TNIK: variants seen among roughly 807,000 people sequenced by gnomAD.
The protein encoded by TNIK is TRAF2 and NCK interacting kinase.
Under a neutral mutation model 191.3 loss-of-function variants are expected in TNIK, and 49 were observed. The observed-to-expected ratio is 0.26, with a 90% CI of 0.20 to 0.32. The LOEUF is 0.32. Ranked by LOEUF, TNIK falls within the 10% of genes least tolerant of loss-of-function variation. The pLI, the probability that TNIK is intolerant of heterozygous loss-of-function variation, is 1.00. For synonymous variants in TNIK, 594 were observed against 600.9 expected (o/e 0.99, Z 0.17); for missense variants, 1,155 against 1,702.3 (o/e 0.68, Z 5.66).
intron 2 of TNIK, among the ~76,000 whole-genome samples, chr3:171,343,280 T>TTTC (rs879586700): frequency 7.8e-4 from 119 of 152,272 alleles, no homozygotes; most frequent in Admixed American, 1.4e-3. Flanking sequence ...ATTTTGATAG[T>TTTC]ATGTTACTTC....
chr3:171,338,167 A>T (rs532947506), intron 2 of TNIK, among the ~76,000 whole-genome samples: 1 of 144,352 alleles, frequency 6.9e-6, no homozygotes, highest in South Asian at 2.3e-4. Context: ...ATTTCCAATC[A>T]ACCAACAATT....
intron 1 of TNIK, among the ~76,000 whole-genome samples, chr3:171,378,826 T>C (rs1187926291): frequency 6.6e-6 from 1 of 152,208 alleles, no homozygotes; most frequent in African/African-American, 2.4e-5. Flanking sequence ...TCCAGCAAGA[T>C]AGTTTAGGTG....
chr3:171,344,989 A>C (rs1374361335), intron 2 of TNIK, among the ~76,000 whole-genome samples: 1 of 152,002 alleles, frequency 6.6e-6, no homozygotes, highest in Admixed American at 6.6e-5. Context: ...ACTTACCCTA[A>C]ATTGATGTTC....
intron 2 of TNIK, among the ~76,000 whole-genome samples, chr3:171,231,313 TTTTG>T (rs771616925): frequency 2.1e-5 from 3 of 143,186 alleles, no homozygotes; most frequent in African/African-American, 9.1e-5. Context: ...GTTGTTGTTG[TTTTG>T]TTTTTTTTTT....
intron 21 of TNIK, among the ~76,000 whole-genome samples, chr3:171,102,664 A>T (rs1723777194): frequency 6.6e-6 from 1 of 152,160 alleles, no homozygotes; most frequent in Non-Finnish European, 1.5e-5. Flanking sequence ...TGGGAATCAG[A>T]GCATTCAGTG....
intron 2 of TNIK, among the ~76,000 whole-genome samples, chr3:171,294,713 C>T (rs1434725760): frequency 6.6e-6 from 1 of 151,978 alleles, no homozygotes; most frequent in African/African-American, 2.4e-5. Flanking sequence ...AAGAAGGAAA[C>T]TCCATCTCAA....
At chr3:171,284,657 C>G (rs1205954968) in intron 2 of TNIK, among the ~76,000 whole-genome samples, 2 of 152,048 alleles carry the variant, frequency 1.3e-5, no homozygotes, top group Non-Finnish European at 2.9e-5. Context: ...TTGCAAATAG[C>G]CAGTCCCAAA....
At chr3:171,373,854 C>T (rs1017042795) in intron 1 of TNIK, among the ~76,000 whole-genome samples, 2 of 152,174 alleles carry the variant, frequency 1.3e-5, no homozygotes, top group East Asian at 3.9e-4. Context: ...TTTCTGAAGC[C>T]CTTCTTAAAT....
intron 2 of TNIK, among the ~76,000 whole-genome samples, chr3:171,236,682 T>G (rs765438820): frequency 6.6e-6 from 1 of 152,176 alleles, no homozygotes; most frequent in Non-Finnish European, 1.5e-5. Context: ...AGATTTCAAA[T>G]CAATAGCTCC....
At chr3:171,440,758 T>G (rs1373241782) in intron 1 of TNIK, among the ~76,000 whole-genome samples, 3 of 152,088 alleles carry the variant, frequency 2.0e-5, no homozygotes, top group African/African-American at 2.4e-5. Flanking sequence ...TGTTAACAAA[T>G]GAACAAATGG....
chr3:171,347,075 C>A lies in TNIK; in HGVS notation c.123+22545G>T, dbSNP rs557171944. The A allele has an allele frequency of 2.1e-5, 31 of 1,466,086 alleles. 1 individual carries two copies. In the African/African-American group the frequency reaches 2.7e-4, roughly 13 times the overall value. 90.8% of individuals were successfully genotyped at this position (1,466,086 alleles called of 1,614,324 possible). A position where few individuals can be genotyped will look rare whatever the true frequency, so the allele number is the denominator to read the frequency against. ...TGTGCTAGGACAGTGGTGGCAGAGA[C>A]AGAAAACAGAAGAGAGAAATCAGGA... On this transcript the variant is annotated intron_variant, in intron 2 of 32. Transcript: ENST00000436636.
intron 2 of TNIK, chr3:171,347,279 T>C: frequency 8.2e-6 from 12 of 1,471,226 alleles, no homozygotes; most frequent in East Asian, 2.6e-5. Flanking sequence ...ACCAAACACA[T>C]AGAGCACACT....
chr3:171,403,611 C>CAAAAAAAAAA (rs57982642), intron 1 of TNIK, among the ~76,000 whole-genome samples: 133 of 99,982 alleles, frequency 1.3e-3, no homozygotes, highest in East Asian at 3.7e-3. Flanking sequence ...GACTCCGTAT[C>CAAAAAAAAAA]AAAAAAAAAA....
At chr3:171,253,032 T>G (rs1324149374) in intron 2 of TNIK, among the ~76,000 whole-genome samples, 1 of 151,976 alleles carries the variant, frequency 6.6e-6, no homozygotes, top group African/African-American at 2.4e-5. Context: ...ATTCCAGCCC[T>G]TTGGGAGGCC....
At chr3:171,454,709 A>C (rs1342616115) in intron 1 of TNIK, among the ~76,000 whole-genome samples, 3 of 152,240 alleles carry the variant, frequency 2.0e-5, no homozygotes, top group Non-Finnish European at 4.4e-5. Context: ...TATCATTTTG[A>C]GATACTGTTA....
At chr3:171,266,108 G>T (rs1165250347) in intron 2 of TNIK, among the ~76,000 whole-genome samples, 1 of 152,030 alleles carries the variant, frequency 6.6e-6, no homozygotes, top group African/African-American at 2.4e-5. Context: ...AGGGAAAGAA[G>T]AAAAGATGGG....
intron 15 of TNIK, among the ~76,000 whole-genome samples, chr3:171,129,107 T>C (rs193121336): frequency 7.2e-5 from 11 of 152,248 alleles, no homozygotes; most frequent in Admixed American, 6.5e-4. Flanking sequence ...TTACCCATTA[T>C]CTAGTGTTAT....
intron 1 of TNIK, among the ~76,000 whole-genome samples, chr3:171,440,867 A>G (rs1479295970): frequency 6.6e-6 from 1 of 152,200 alleles, no homozygotes; most frequent in African/African-American, 2.4e-5. Context: ...GAAAACAGAA[A>G]GAGTTAGTAA....
At chr3:171,194,410 T>C (rs1738414014) in intron 5 of TNIK, 115 bp downstream of exon 5, 1 of 931,622 alleles carries the variant, frequency 1.1e-6, no homozygotes, top group Non-Finnish European at 1.7e-6. Flanking sequence ...TTTAAAGGGT[T>C]TTTGATATGC....
Sources: allele counts gnomAD v4.1 joint callset (sites outside exome capture counted in the v4.1 genomes callset), GRCh38; gene constraint gnomAD v4.1.1; transcripts MANE v1.5; gene names NCBI Gene and HGNC (gene_info 2026-07-23, HGNC 2026-07-21).